SLC35A5: variants seen among roughly 807,000 people sequenced by gnomAD.
SLC35A5 encodes solute carrier family 35 member A5, also known as UDP-sugar transporter protein SLC35A5.
Under a neutral mutation model 36.3 loss-of-function variants are expected in SLC35A5, and 28 were observed. That is an observed-to-expected ratio of 0.77 (90% CI 0.57 to 1.06). The LOEUF (loss-of-function observed/expected upper bound fraction) is 1.06. SLC35A5 is among the 50% of genes least tolerant of loss of function. The pLI is 0.00. For synonymous variants in SLC35A5, 180 were observed against 173.7 expected (o/e 1.04, Z -0.29); for missense variants, 521 against 499.3 (o/e 1.04, Z -0.41).
chr3:112,582,605 G>GT lies in SLC35A5; in HGVS notation c.1210-62dup. The GT allele has an allele frequency of 3.5e-5, 5 of 142,276 alleles. No individual in the cohort carries two copies. The South Asian group carries it at 4.0e-4, about 11-fold the overall frequency. 8.8% of individuals were successfully genotyped at this position (142,276 alleles called of 1,614,324 possible). On this transcript the variant is annotated intron_variant, in intron 6 of 6. Coordinates refer to ENST00000492406, the MANE Select transcript of SLC35A5 (RefSeq NM_017945.5). ...GTAAGACCAGTGATTTGTTAGTAAG[G>GT]TTTTCCCTTTAAAAATGCTACATTT...
At chr3:112,570,724 C>G (rs937862109) in intron 4 of SLC35A5, 54 bp downstream of exon 4, 6 of 1,464,272 alleles carry the variant, frequency 4.1e-6, no homozygotes, top group Admixed American at 5.3e-5. Flanking sequence ...GAAATAAATC[C>G]CAGAATTTTT....
chr3:112,578,457 G>A (rs989092075), intron 5 of SLC35A5, among the ~76,000 whole-genome samples: 3 of 152,170 alleles, frequency 2.0e-5, no homozygotes, highest in African/African-American at 7.2e-5. Context: ...TCGGCTCTGA[G>A]CATCCATTAC....
chr3:112,570,285 C>G (rs1934381288), intron 3 of SLC35A5, among the ~76,000 whole-genome samples: 1 of 151,804 alleles, frequency 6.6e-6, no homozygotes, highest in Non-Finnish European at 1.5e-5. Flanking sequence ...CAAGAGAAAC[C>G]ACATATTTAT....
intron 3 of SLC35A5, among the ~76,000 whole-genome samples, chr3:112,569,815 C>T (rs1054316691): frequency 6.6e-6 from 1 of 152,156 alleles, no homozygotes. Flanking sequence ...CACCTTAGTT[C>T]CCCAATTATT....
chr3:112,561,835 C>A, upstream of SLC35A5: 1 of 381,482 alleles, frequency 2.6e-6, no homozygotes, highest in Non-Finnish European at 4.7e-6. Context: ...GAGAAGCGGA[C>A]GCACACGCAC....
At chr3:112,567,916 A>AT (rs1454171466) in intron 2 of SLC35A5, among the ~76,000 whole-genome samples, 3 of 152,242 alleles carry the variant, frequency 2.0e-5, no homozygotes, top group Non-Finnish European at 4.4e-5. Flanking sequence ...GAGAAGTATC[A>AT]TTGGAGGATA....
chr3:112,574,918 C>A (rs1376384585), intron 5 of SLC35A5, among the ~76,000 whole-genome samples: 2 of 151,880 alleles, frequency 1.3e-5, no homozygotes, highest in Admixed American at 1.3e-4. Flanking sequence ...TACATTTAGC[C>A]CAGTTTAAAT....
At chr3:112,568,493 AT>A (rs1462107839) in intron 2 of SLC35A5, among the ~76,000 whole-genome samples, 1 of 152,202 alleles carries the variant, frequency 6.6e-6, no homozygotes. Context: ...TCACTTCCTA[AT>A]TCTATTGATT....
chr3:112,564,794 T>C (rs1317489436), intron 2 of SLC35A5, among the ~76,000 whole-genome samples: 1 of 152,204 alleles, frequency 6.6e-6, no homozygotes, highest in Admixed American at 6.5e-5. Flanking sequence ...TAGGGAGTGG[T>C]GATGACTCTT....
intron 2 of SLC35A5, among the ~76,000 whole-genome samples, chr3:112,566,465 G>A (rs569007992): frequency 1.7e-4 from 26 of 152,182 alleles, no homozygotes; most frequent in Non-Finnish European, 3.4e-4. Context: ...AAAACTTAAG[G>A]AACAGAGAGA....
At chr3:112,561,730 C>T, upstream of SLC35A5, 1 of 571,026 alleles carries the variant, frequency 1.8e-6, no homozygotes, top group Non-Finnish European at 3.0e-6. Context: ...AGACGGGGTG[C>T]GCGATCCTCG....
chr3:112,567,233 A>G (rs1476685995), intron 2 of SLC35A5, among the ~76,000 whole-genome samples: 2 of 150,594 alleles, frequency 1.3e-5, no homozygotes, highest in East Asian at 3.9e-4. Flanking sequence ...CTCAAAAAAC[A>G]AAAAACAAAA....
upstream of SLC35A5, chr3:112,561,552 C>T (rs1308922443): frequency 6.2e-7 from 1 of 1,601,350 alleles, no homozygotes; most frequent in East Asian, 2.2e-5. Flanking sequence ...TAGCGGCCGG[C>T]CCCGCGACGG....
intron 4 of SLC35A5, among the ~76,000 whole-genome samples, chr3:112,571,923 GTTTTTTTTTTTTTTTTTTTT>G (rs58561218): frequency 1.9e-5 from 1 of 53,824 alleles, no homozygotes; most frequent in Admixed American, 2.7e-4. Context: ...ACTTTCCACA[GTTTTTTTTTTTTTTTTTTTT>G]TTTTTTTTTT....
At chr3:112,561,748 G>C, upstream of SLC35A5, 1 of 546,254 alleles carries the variant, frequency 1.8e-6, no homozygotes, top group South Asian at 2.2e-5. Flanking sequence ...TCGCACCCCA[G>C]GCAGCCCGCG....
chr3:112,576,631 T>C (rs1354727574), intron 5 of SLC35A5, among the ~76,000 whole-genome samples: 1 of 152,228 alleles, frequency 6.6e-6, no homozygotes, highest in Non-Finnish European at 1.5e-5. Context: ...CTCATATGAA[T>C]AGAATCATAC....
chr3:112,581,204 G>A lies in SLC35A5; in HGVS notation c.1087G>A (p.Ala363Thr), dbSNP rs370094883. ...GCCCTCCCTGGAATTTTTCTTGGAAGCCCCATCAGTCCTTCTCTCTATATT... is the reference window on the plus strand; with the variant it reads ...GCCCTCCCTGGAATTTTTCTTGGAAACCCCATCAGTCCTTCTCTCTATATT... ...FRPSLEFFLEAPSVLLSIFIY... is the reference protein window; with the variant it reads ...FRPSLEFFLETPSVLLSIFIY... The change falls in exon 6 of 7, where the codon GCC (alanine) becomes ACC (threonine). Residue 363 changes from alanine to threonine, a missense_variant. Physicochemically the swap from Ala to Thr is moderately conservative, Grantham distance 58 (BLOSUM62 0). Coordinates refer to ENST00000492406, the MANE Select transcript of SLC35A5 (RefSeq NM_017945.5). 7 of 1,613,834 alleles carry A rather than the reference G, an allele frequency of 4.3e-6. No individual in the cohort carries two copies. Among genetic ancestry groups the A allele is most frequent in the Non-Finnish European group, 5.1e-6 (6 of 1,179,898 alleles).
At chr3:112,577,092 G>GA (rs11483243) in intron 5 of SLC35A5, among the ~76,000 whole-genome samples, 106,364 of 145,520 alleles carry the variant, frequency 0.73, 42,801 homozygotes, top group Non-Finnish European at 0.91. Flanking sequence ...AATTTTTTAA[G>GA]AAAAAAAAAA....
At chr3:112,578,784 CTT>C (rs775079822) in intron 5 of SLC35A5, among the ~76,000 whole-genome samples, 21 of 151,880 alleles carry the variant, frequency 1.4e-4, no homozygotes, top group Non-Finnish European at 2.6e-4. Context: ...CTCTAGAAAA[CTT>C]TTAAAGGAAC....
Sources: gnomAD v4.1 joint callset for allele counts (sites outside exome capture counted in the v4.1 genomes callset) on GRCh38, gnomAD v4.1.1 for gene constraint, MANE v1.5 for transcripts, NCBI Gene and HGNC (gene_info 2026-07-23, HGNC 2026-07-21) for gene names.